Variants in LRRC7 observed in about 807,000 individuals in gnomAD.
The protein encoded by LRRC7 is leucine rich repeat containing 7, also known as leucine-rich repeat-containing protein 7.
LRRC7 carries 23 observed loss-of-function variants against 175.7 expected under a neutral mutation model. The observed-to-expected ratio is 0.13, with a 90% CI of 0.09 to 0.19. The LOEUF is 0.19. Among genes scored for constraint, LRRC7 ranks in the 10% least tolerant of loss-of-function variants. LRRC7 has a pLI of 1.00. For synonymous variants in LRRC7, 685 were observed against 680.9 expected (o/e 1.01, Z -0.09); for missense variants, 1,354 against 1,904.7 (o/e 0.71, Z 5.38).
chr1:69,972,590 ATGGC>A (rs1415738838), intron 8 of LRRC7, among the ~76,000 whole-genome samples: 1 of 152,204 alleles, frequency 6.6e-6, no homozygotes, highest in Non-Finnish European at 1.5e-5. Flanking sequence ...TCCTGCAAGA[ATGGC>A]CATAATCAAA....
chr1:69,864,285 T>C (rs1350067556), intron 7 of LRRC7, among the ~76,000 whole-genome samples: 2 of 152,228 alleles, frequency 1.3e-5, no homozygotes, highest in Non-Finnish European at 2.9e-5. Flanking sequence ...TCTTTTATAT[T>C]TCTATCTCCA....
At chr1:69,577,278 T>C (rs1645993455) in intron 1 of LRRC7, among the ~76,000 whole-genome samples, 1 of 152,226 alleles carries the variant, frequency 6.6e-6, no homozygotes, top group Non-Finnish European at 1.5e-5. Flanking sequence ...TCCTTCCCCC[T>C]CTTCCCTAGT....
At chr1:69,777,941 C>G (rs1673001406) in intron 3 of LRRC7, among the ~76,000 whole-genome samples, 1 of 152,158 alleles carries the variant, frequency 6.6e-6, no homozygotes, top group Non-Finnish European at 1.5e-5. Context: ...CCTGTCTCTT[C>G]TCTAACTTCA....
intron 7 of LRRC7, among the ~76,000 whole-genome samples, chr1:69,907,296 T>C (rs1024535166): frequency 1.4e-4 from 22 of 152,182 alleles, no homozygotes; most frequent in African/African-American, 4.6e-4. Flanking sequence ...TCCAACACTA[T>C]GTTGAATAGG....
chr1:69,835,897 A>G (rs1456197921), intron 6 of LRRC7, among the ~76,000 whole-genome samples: 1 of 152,050 alleles, frequency 6.6e-6, no homozygotes, highest in African/African-American at 2.4e-5. Flanking sequence ...TCTGTAAGAA[A>G]TAAAAGACTG....
At chr1:69,750,113 G>A (rs998125318) in intron 2 of LRRC7, among the ~76,000 whole-genome samples, 3 of 93,984 alleles carry the variant, frequency 3.2e-5, no homozygotes, top group Non-Finnish European at 4.5e-5. Flanking sequence ...TGAAAAGTGA[G>A]GTTAAAGAGA....
chr1:69,892,415 A>G (rs1645862480), intron 7 of LRRC7, among the ~76,000 whole-genome samples: 1 of 152,208 alleles, frequency 6.6e-6, no homozygotes, highest in South Asian at 2.1e-4. Context: ...TTAAAAACTC[A>G]AATGAGAAAA....
intron 1 of LRRC7, among the ~76,000 whole-genome samples, chr1:69,640,725 A>C (rs1052590981): frequency 2.0e-5 from 3 of 148,008 alleles, no homozygotes; most frequent in African/African-American, 7.9e-5. Flanking sequence ...AAATAGTTCC[A>C]TTGTCTTTTC....
intron 8 of LRRC7, among the ~76,000 whole-genome samples, chr1:69,976,824 A>T (rs1652866943): frequency 6.6e-6 from 1 of 150,382 alleles, no homozygotes; most frequent in Non-Finnish European, 1.5e-5. Flanking sequence ...TTCCCCTCAC[A>T]TTCCCCTTGG....
intron 3 of LRRC7, among the ~76,000 whole-genome samples, chr1:69,772,236 G>A (rs1293928357): frequency 6.6e-6 from 1 of 152,160 alleles, no homozygotes; most frequent in Non-Finnish European, 1.5e-5. Context: ...GATCTTTTGT[G>A]TTGAGTTCTG....
At chr1:69,796,959 T>C (rs561570052) in intron 4 of LRRC7, among the ~76,000 whole-genome samples, 2 of 152,208 alleles carry the variant, frequency 1.3e-5, no homozygotes, top group Admixed American at 6.5e-5. Flanking sequence ...TTTCACTTTT[T>C]AATTTAATTT....
intron 2 of LRRC7, among the ~76,000 whole-genome samples, chr1:69,713,762 T>C (rs1310869188): frequency 6.6e-6 from 1 of 151,326 alleles, no homozygotes; most frequent in African/African-American, 2.4e-5. Context: ...CGTATGAAAC[T>C]GATCAAAGGG....
chr1:69,713,578 A>G (rs542384095), intron 2 of LRRC7, among the ~76,000 whole-genome samples: 16 of 152,234 alleles, frequency 1.1e-4, no homozygotes, highest in Admixed American at 2.6e-4. Context: ...TTTTACAGAA[A>G]AAGAAATTAA....
At chr1:69,619,774 A>T (rs989234235) in intron 1 of LRRC7, among the ~76,000 whole-genome samples, 10 of 152,332 alleles carry the variant, frequency 6.6e-5, no homozygotes, top group African/African-American at 2.4e-4. Flanking sequence ...TTCTCTGATA[A>T]GATTGGTGGT....
At chr1:69,585,373 G>C (rs1646365547) in intron 1 of LRRC7, among the ~76,000 whole-genome samples, 9 of 152,086 alleles carry the variant, frequency 5.9e-5, no homozygotes, top group Admixed American at 5.9e-4. Context: ...ACAATTTATA[G>C]ACTAAAAAAG....
intron 1 of LRRC7, among the ~76,000 whole-genome samples, chr1:69,637,116 C>T (rs1225441107): frequency 6.6e-6 from 1 of 150,570 alleles, no homozygotes; most frequent in East Asian, 1.9e-4. Flanking sequence ...CCCGCTCCCC[C>T]GCACACAGAG....
chr1:69,706,026 T>C (rs1325559410), intron 2 of LRRC7, among the ~76,000 whole-genome samples: 1 of 152,172 alleles, frequency 6.6e-6, no homozygotes, highest in Non-Finnish European at 1.5e-5. Context: ...AGGATGCAAC[T>C]CTCTTCTTTT....
chr1:69,623,549 CTTTT>C (rs35199111), intron 1 of LRRC7, among the ~76,000 whole-genome samples: 2 of 136,638 alleles, frequency 1.5e-5, no homozygotes, highest in Non-Finnish European at 3.1e-5. Flanking sequence ...AAAAGACATA[CTTTT>C]TTTTTTTTTT....
chr1:70,057,254 T>C (rs1395723429), intron 23 of LRRC7, among the ~76,000 whole-genome samples: 1 of 152,146 alleles, frequency 6.6e-6, no homozygotes, highest in Non-Finnish European at 1.5e-5. Flanking sequence ...GTTTTTGTTA[T>C]ATATTATATA....
Sources: allele counts gnomAD v4.1 joint callset (sites outside exome capture counted in the v4.1 genomes callset), GRCh38; gene constraint gnomAD v4.1.1; transcripts MANE v1.5; gene names NCBI Gene and HGNC (gene_info 2026-07-23, HGNC 2026-07-21).